Variants in CCDC195 observed in about 807,000 individuals in gnomAD.
The protein encoded by CCDC195 is coiled-coil domain containing 195.
In CCDC195 at chr2:224,703,865, AACTG is replaced by A; in HGVS notation, c.501_504del (p.Phe169CysfsTer16). 2.5e-6 allele frequency: 1 copy of A among 398,616 alleles called. No individual in the cohort carries two copies. Among genetic ancestry groups the A allele is most frequent in the Middle Eastern group, 6.3e-4 (1 of 1,588 alleles). The allele number at this position is 398,616 out of a possible 1,614,324, so 24.7% of individuals were successfully genotyped here. A position where few individuals can be genotyped will look rare whatever the true frequency, so the allele number is the denominator to read the frequency against. ...GAAGACATGTCCATGGGTAACAGGAAACTGACTGCCTTTGTCTTGTCCCTACAGG... is the reference window on the plus strand; with the variant it reads ...GAAGACATGTCCATGGGTAACAGGAAACTGCCTTTGTCTTGTCCCTACAGG... On this transcript the variant is annotated frameshift_variant, in exon 3 of 3. Coordinates refer to ENST00000638102, the Ensembl canonical transcript of CCDC195. LOFTEE classifies it high-confidence loss of function.
chr2:224,706,396 G>A (rs1317095843), intron 2 of CCDC195, among the ~76,000 whole-genome samples: 1 of 150,712 alleles, frequency 6.6e-6, no homozygotes, highest in East Asian at 1.9e-4. Flanking sequence ...GTAGAGATGG[G>A]GTTTCACCAT....
chr2:224,704,427 T>A (rs1697213296), intron 2 of CCDC195, among the ~76,000 whole-genome samples: 1 of 152,164 alleles, frequency 6.6e-6, no homozygotes, highest in Admixed American at 6.5e-5. Flanking sequence ...AATTTAGACA[T>A]TAACCAGGAG....
At chr2:224,709,197 T>A (rs995047376) in intron 2 of CCDC195, among the ~76,000 whole-genome samples, 1 of 148,898 alleles carries the variant, frequency 6.7e-6, no homozygotes, top group Non-Finnish European at 1.5e-5. Flanking sequence ...CAAGTGATTC[T>A]CCTGCCTCAG....
exon 2 of CCDC195, chr2:224,710,174 C>A (rs961473973): frequency 2.0e-5 from 8 of 398,382 alleles, no homozygotes; most frequent in Non-Finnish European, 3.1e-5. Flanking sequence ...AGCAGATGAG[C>A]AAACTGATGA....
chr2:224,705,343 GT>G (rs1343839514), intron 2 of CCDC195, among the ~76,000 whole-genome samples: 1 of 152,074 alleles, frequency 6.6e-6, no homozygotes, highest in East Asian at 1.9e-4. Context: ...ACTGAAATTT[GT>G]TTTTCTAAAA....
rs1365169476 is a variant in CCDC195 at position 224,706,528 on chromosome 2, T to TTTTG, written c.483-2642_483-2641insCAAA. ...CTGTAACTTTTTTTTTTTTTTTTTT[T>TTTTG]TGAGACAGAGTCTCGCTGTGTTGCC... On this transcript the variant is annotated intron_variant, in intron 2 of 2. Transcript: ENST00000638102. Among the ~76,000 whole-genome samples, 3 of 147,976 alleles carry TTTTG rather than the reference T, an allele frequency of 2.0e-5. No individual in the cohort carries two copies. The East Asian group carries it at 5.9e-4, about 29-fold the overall frequency.
chr2:224,711,628 T>C (rs1307343032), intron 1 of CCDC195, among the ~76,000 whole-genome samples: 2 of 152,152 alleles, frequency 1.3e-5, no homozygotes, highest in Admixed American at 1.3e-4. Context: ...TCATTCTTTC[T>C]TACTGCAGCT....
chr2:224,708,240 C>A (rs1384211251), intron 2 of CCDC195, among the ~76,000 whole-genome samples: 4 of 152,092 alleles, frequency 2.6e-5, no homozygotes, highest in African/African-American at 9.7e-5. Flanking sequence ...ACATTAATTT[C>A]TGAATATTTA....
chr2:224,704,366 A>G (rs918772585), intron 2 of CCDC195, among the ~76,000 whole-genome samples: 5 of 152,214 alleles, frequency 3.3e-5, no homozygotes, highest in African/African-American at 1.2e-4. Flanking sequence ...CTGAGGGATT[A>G]TATCTTTTCA....
At chr2:224,711,715 A>G (rs543897167) in intron 1 of CCDC195, among the ~76,000 whole-genome samples, 140 of 152,268 alleles carry the variant, frequency 9.2e-4, no homozygotes, top group African/African-American at 3.2e-3. Flanking sequence ...AAGCACAATT[A>G]TTTTTTATTT....
intron 1 of CCDC195, among the ~76,000 whole-genome samples, chr2:224,713,536 A>G (rs1292882920): frequency 2.0e-5 from 3 of 152,148 alleles, no homozygotes; most frequent in African/African-American, 4.8e-5. Context: ...TTTTTACATG[A>G]GGATGCTAAG....
At chr2:224,708,498 G>A (rs1009002508) in intron 2 of CCDC195, among the ~76,000 whole-genome samples, 9 of 151,850 alleles carry the variant, frequency 5.9e-5, no homozygotes, top group African/African-American at 2.2e-4. Context: ...ATTTTTCTTT[G>A]GCTAAATCTA....
chr2:224,712,483 G>C (rs1689327762), intron 1 of CCDC195, among the ~76,000 whole-genome samples: 1 of 152,176 alleles, frequency 6.6e-6, no homozygotes, highest in Non-Finnish European at 1.5e-5. Context: ...CAGGCACTCT[G>C]CATTCTCAGT....
At chr2:224,711,143 C>A (rs1163288998) in intron 1 of CCDC195, among the ~76,000 whole-genome samples, 1 of 152,186 alleles carries the variant, frequency 6.6e-6, no homozygotes, top group African/African-American at 2.4e-5. Flanking sequence ...CATGTCTTGG[C>A]CTTAGTTGGG....
intron 2 of CCDC195, among the ~76,000 whole-genome samples, chr2:224,704,187 A>C (rs1456889080): frequency 6.6e-6 from 1 of 152,216 alleles, no homozygotes; most frequent in African/African-American, 2.4e-5. Flanking sequence ...AGAATATCTC[A>C]TTCTTAGGCA....
chr2:224,710,058 T>A, exon 2 of CCDC195: 1 of 398,642 alleles, frequency 2.5e-6, no homozygotes, highest in Admixed American at 4.4e-5. Context: ...TTTTCTTCCA[T>A]GTCTTGCTTC....
intron 2 of CCDC195, among the ~76,000 whole-genome samples, chr2:224,708,262 TG>T (rs952389679): frequency 6.6e-6 from 1 of 152,248 alleles, no homozygotes; most frequent in African/African-American, 2.4e-5. Flanking sequence ...AGAAATATTT[TG>T]GAAAATATTT....
At chr2:224,716,337 A>G (rs1689382344) in exon 1 of CCDC195, 2 of 398,522 alleles carry the variant, frequency 5.0e-6, no homozygotes, top group African/African-American at 2.1e-5. Flanking sequence ...TTCCTGGATA[A>G]GTCTCATGAG....
intron 2 of CCDC195, among the ~76,000 whole-genome samples, chr2:224,704,243 C>G (rs1399554859): frequency 1.3e-5 from 2 of 152,172 alleles, no homozygotes; most frequent in Non-Finnish European, 2.9e-5. Flanking sequence ...GAAGCAGAAA[C>G]TTGAGGCAAT....
Sources: gnomAD v4.1 joint callset for allele counts (sites outside exome capture counted in the v4.1 genomes callset) on GRCh38, gnomAD v4.1.1 for gene constraint, MANE v1.5 for transcripts, NCBI Gene and HGNC (gene_info 2026-07-23, HGNC 2026-07-21) for gene names.